HPS5: variants seen among roughly 807,000 people sequenced by gnomAD.
HPS5 encodes the protein BLOC-2 complex member HPS5.
In HPS5, 83 loss-of-function variants were observed where a neutral mutation model predicts 128.0. The ratio of observed to expected loss-of-function variants is 0.65; its 90% CI spans 0.54 to 0.78. HPS5 has a LOEUF of 0.78. HPS5 is among the 30% of genes least tolerant of loss of function. HPS5 has a pLI of 0.00. For synonymous variants in HPS5, 475 were observed against 470.2 expected (o/e 1.01, Z -0.13); for missense variants, 1,281 against 1,326.2 (o/e 0.97, Z 0.53).
At chr11:18,312,098 A>C in intron 2 of HPS5, 74 bp from the exon 3 acceptor site, 1 of 1,154,778 alleles carries the variant, frequency 8.7e-7, no homozygotes, top group Non-Finnish European at 1.3e-6. Context: ...GAAAATAAAT[A>C]CTGAGGATTT....
intron 1 of HPS5, among the ~76,000 whole-genome samples, chr11:18,319,634 T>C (rs143618056): frequency 1.9e-3 from 293 of 152,250 alleles, no homozygotes; most frequent in Non-Finnish European, 3.6e-3. Context: ...TGAACTTAAC[T>C]TGGCAGGCAA....
chr11:18,285,808 A>T (rs1859638151), intron 19 of HPS5, among the ~76,000 whole-genome samples: 1 of 152,210 alleles, frequency 6.6e-6, no homozygotes, highest in South Asian at 2.1e-4. Context: ...TCCTGGGAGG[A>T]AACGCAAGCA....
chr11:18,291,977 A>G lies in HPS5; in HGVS notation c.1905T>C (p.Ser635=). The change falls in exon 16 of 23, where the codon TCT becomes TCC. Residue 635 remains serine, a synonymous_variant. Transcript: ENST00000349215. ...QDPLVLFESE[S]LRMVLQEWLS... The stretch of plus-strand genomic sequence containing the variant: ...GCCACTCCTGTAAAACCATTCTCAG[A>G]GACTCGGATTCAAATAAAACCAGAG... 6.2e-7 allele frequency: 1 copy of G among 1,613,680 alleles called. No homozygotes were observed. The highest frequency in any genetic ancestry group is 2.2e-5 in the East Asian group (1 of 44,870).
intron 15 of HPS5, 144 bp from the exon 16 acceptor site, chr11:18,292,163 C>A: frequency 1.5e-6 from 1 of 663,244 alleles, no homozygotes; most frequent in Non-Finnish European, 2.6e-6. Flanking sequence ...TAAAAACTAT[C>A]TCAACAAGAT....
intron 13 of HPS5, among the ~76,000 whole-genome samples, chr11:18,295,510 T>C (rs551327217): frequency 6.6e-6 from 1 of 152,378 alleles, no homozygotes; most frequent in South Asian, 2.1e-4. Context: ...AATTGCTTCA[T>C]GTAAACTCAG....
intron 1 of HPS5, among the ~76,000 whole-genome samples, chr11:18,319,707 G>T (rs779427507): frequency 6.6e-6 from 1 of 152,144 alleles, no homozygotes; most frequent in Non-Finnish European, 1.5e-5. Context: ...TGCTGTGGGT[G>T]GTTAGATGCT....
At chr11:18,311,318 C>T in intron 4 of HPS5, 69 bp downstream of exon 4, 1 of 1,138,478 alleles carries the variant, frequency 8.8e-7, no homozygotes, top group Non-Finnish European at 1.3e-6. Flanking sequence ...GTTGGTCACC[C>T]TAACAAACAC....
chr11:18,303,974 A>C (rs2134409252), intron 8 of HPS5, among the ~76,000 whole-genome samples: 1 of 152,318 alleles, frequency 6.6e-6, no homozygotes, highest in East Asian at 1.9e-4. Flanking sequence ...CATTGAAAAA[A>C]TAATAGTCAA....
At chr11:18,293,358 G>A (rs947989727) in intron 14 of HPS5, among the ~76,000 whole-genome samples, 1 of 152,120 alleles carries the variant, frequency 6.6e-6, no homozygotes, top group African/African-American at 2.4e-5. Flanking sequence ...ATTTTTAGTA[G>A]AGATGGGGTT....
chr11:18,282,209 CT>C lies in HPS5; in HGVS notation c.3069del (p.Glu1024ArgfsTer26). The C allele has an allele frequency of 6.2e-7, 1 of 1,614,126 alleles. No individual in the cohort carries two copies. Among genetic ancestry groups the C allele is most frequent in the South Asian group, 1.1e-5 (1 of 91,082 alleles). The stretch of plus-strand genomic sequence containing the variant: ...AGAAGCTTCCATTCCTCCACGGTCT[CT>C]GGGATCCAACCTAAACACACACAGG... ...SLMEGDNGWI[P>X]ETVEEWKLLL... On this transcript the variant is annotated frameshift_variant, in exon 22 of 23. Coordinates refer to ENST00000349215, the MANE Select transcript of HPS5 (RefSeq NM_181507.2). LOFTEE classifies it high-confidence loss of function.
chr11:18,296,311 C>A, intron 12 of HPS5, 189 bp from the exon 13 acceptor site: 1 of 620,872 alleles, frequency 1.6e-6, no homozygotes, highest in South Asian at 2.0e-5. Flanking sequence ...ACATAAAACA[C>A]CGAGGCAGGT....
At chr11:18,306,742 T>G (rs969381924) in intron 6 of HPS5, among the ~76,000 whole-genome samples, 3 of 152,218 alleles carry the variant, frequency 2.0e-5, no homozygotes, top group Admixed American at 1.3e-4. Context: ...AAGCTACTAA[T>G]CTAGTTCTCC....
chr11:18,314,017 TACAGCA>T (rs951533002), intron 2 of HPS5, among the ~76,000 whole-genome samples: 18 of 151,628 alleles, frequency 1.2e-4, no homozygotes, highest in African/African-American at 4.4e-4. Context: ...TGAGACCAGC[TACAGCA>T]ACATAATGAA....
In HPS5 at chr11:18,286,926, GAGAA is replaced by G. The variant is rs1265528027; in HGVS notation, c.2718-220_2718-217del. The G allele has an allele frequency of 4.2e-5, 26 of 624,358 alleles. No individual in the cohort carries two copies. In the South Asian group the frequency reaches 4.8e-4, roughly 12 times the overall value. The allele number at this position is 624,358 out of a possible 1,614,324, so 38.7% of individuals were successfully genotyped here. On this transcript the variant is annotated intron_variant, in intron 18 of 22. Coordinates refer to ENST00000349215, the MANE Select transcript of HPS5 (RefSeq NM_181507.2). ...GCCAAAAAAGAAAAAAAAAAAGGGAGAGAAAGAGAGAGAGAAAGAAAGAGACAAA... is the reference window on the plus strand; with the variant it reads ...GCCAAAAAAGAAAAAAAAAAAGGGAGAGAGAGAGAGAAAGAAAGAGACAAA...
intron 16 of HPS5, among the ~76,000 whole-genome samples, chr11:18,289,660 G>A (rs1860159981): frequency 6.6e-6 from 1 of 152,072 alleles, no homozygotes; most frequent in Non-Finnish European, 1.5e-5. Context: ...TTTCTAGAAA[G>A]CTAAAATATC....
intron 2 of HPS5, among the ~76,000 whole-genome samples, chr11:18,313,072 A>G (rs1863189879): frequency 6.6e-6 from 1 of 152,202 alleles, no homozygotes; most frequent in South Asian, 2.1e-4. Context: ...GGCAGTAGCA[A>G]AAGTATAAAA....
intron 8 of HPS5, among the ~76,000 whole-genome samples, chr11:18,304,059 T>C (rs1334044065): frequency 1.3e-5 from 2 of 152,142 alleles, no homozygotes; most frequent in Non-Finnish European, 2.9e-5. Flanking sequence ...TAATATGTAA[T>C]TATAAACTGT....
intron 22 of HPS5, among the ~76,000 whole-genome samples, chr11:18,280,829 A>G (rs1406063068): frequency 2.0e-5 from 3 of 152,230 alleles, no homozygotes; most frequent in Non-Finnish European, 4.4e-5. Context: ...TGAGGTATGT[A>G]GAATAGTAAA....
At chr11:18,316,966 G>A (rs867756852) in intron 2 of HPS5, among the ~76,000 whole-genome samples, 29 of 152,130 alleles carry the variant, frequency 1.9e-4, no homozygotes, top group Admixed American at 3.3e-4. Context: ...AGGCCGAGGC[G>A]GGCAGATCAC....
Sources: gnomAD v4.1 joint callset for allele counts (sites outside exome capture counted in the v4.1 genomes callset) on GRCh38, gnomAD v4.1.1 for gene constraint, MANE v1.5 for transcripts, NCBI Gene and HGNC (gene_info 2026-07-23, HGNC 2026-07-21) for gene names.